Variants in PHF21B observed in about 807,000 individuals in gnomAD.
PHF21B encodes PHD finger protein 21B.
PHF21B carries 22 observed loss-of-function variants against 62.2 expected under a neutral mutation model. The observed-to-expected ratio is 0.35, with a 90% CI of 0.25 to 0.51. The LOEUF is 0.51. Among genes scored for constraint, PHF21B ranks in the 20% least tolerant of loss-of-function variants. PHF21B has a pLI of 0.97. For missense variants in PHF21B, 701 were observed against 707.9 expected (o/e 0.99, Z 0.11); for synonymous variants, 341 against 314.7 (o/e 1.08, Z -0.88).
chr22:44,999,996 C>T lies in PHF21B; in HGVS notation c.120+8549G>A, dbSNP rs560746543. Among the ~76,000 whole-genome samples, 36 of 152,266 alleles carry T rather than the reference C, an allele frequency of 2.4e-4. 1 individual carries two copies. In the South Asian group the frequency reaches 7.3e-3, roughly 31 times the overall value. Reference sequence around the variant, plus strand: ...TTGTTTCTTGAGTGCTCACCGAGCACCAGGCACTCTGCTGCCTGGCTGGCC... The same window carrying T: ...TTGTTTCTTGAGTGCTCACCGAGCATCAGGCACTCTGCTGCCTGGCTGGCC... On this transcript the variant is annotated intron_variant, in intron 2 of 12. Transcript: ENST00000313237.
intron 7 of PHF21B, 53 bp downstream of exon 7, chr22:44,893,404 G>C: frequency 1.3e-6 from 2 of 1,528,286 alleles, no homozygotes; most frequent in Non-Finnish European, 1.8e-6. Context: ...CCTGGAGGCT[G>C]TGCACTGGGA....
In PHF21B at chr22:44,938,644, G is replaced by C. The variant is rs569756078; in HGVS notation, c.121-18154C>G. On this transcript the variant is annotated intron_variant, in intron 2 of 12. Coordinates refer to ENST00000313237, the MANE Select transcript of PHF21B (RefSeq NM_138415.5). Reference sequence around the variant, plus strand: ...TGGTGCACAGACCTATGCCCTCTCAGGGGCAGCACTGATAGACCCTCATTA... The same window carrying C: ...TGGTGCACAGACCTATGCCCTCTCACGGGCAGCACTGATAGACCCTCATTA... 8.5e-5 allele frequency among the ~76,000 whole-genome samples: 13 copies of C among 152,362 alleles called. No homozygotes were observed. The South Asian group carries it at 2.7e-3, about 32-fold the overall frequency.
intron 2 of PHF21B, chr22:45,001,017 T>G (rs1290932692): frequency 6.6e-6 from 1 of 152,216 alleles, no homozygotes; most frequent in Non-Finnish European, 1.5e-5. Context: ...TGCCCAAGGT[T>G]GCTCAGCCAA....
At chr22:44,960,975 GAGA>G (rs1298577366) in intron 2 of PHF21B, among the ~76,000 whole-genome samples, 18 of 26,158 alleles carry the variant, frequency 6.9e-4, no homozygotes, top group African/African-American at 1.7e-3. Flanking sequence ...TTTTTTTTTT[GAGA>G]AGGAGTCTCA....
chr22:44,934,175 CG>C lies in PHF21B; in HGVS notation c.121-13686del, dbSNP rs1478907966. ...TGCCACAAGGCAGGGGGCCTTTGCA[CG>C]GGGCTCAGAGTCCCATCGGCCACTT... On this transcript the variant is annotated intron_variant, in intron 2 of 12. Transcript: ENST00000313237. Among the ~76,000 whole-genome samples, 3 of 152,276 alleles carry C rather than the reference CG, an allele frequency of 2.0e-5. No homozygotes were observed. In the East Asian group the frequency reaches 5.8e-4, roughly 29 times the overall value.
intron 3 of PHF21B, among the ~76,000 whole-genome samples, chr22:44,919,301 C>T (rs980670279): frequency 2.0e-5 from 3 of 152,224 alleles, no homozygotes; most frequent in Non-Finnish European, 2.9e-5. Context: ...TGCATGCGGC[C>T]CAGGATGGCT....
chr22:44,962,534 G>A (rs1441694909), intron 2 of PHF21B, among the ~76,000 whole-genome samples: 4 of 152,158 alleles, frequency 2.6e-5, no homozygotes, highest in Admixed American at 6.5e-5. Context: ...ATCAAAATTC[G>A]AAGTATGTTT....
chr22:45,008,440 G>A (rs1375473518), intron 2 of PHF21B, 105 bp downstream of exon 2: 4 of 1,088,676 alleles, frequency 3.7e-6, no homozygotes, highest in Non-Finnish European at 3.8e-6. Context: ...ACCCCTCTGG[G>A]AGTCTGAGCG....
At position 44,901,209 on chromosome 22, in the gene PHF21B, A is replaced by G. The variant is rs149852673; in HGVS notation, c.832-5126T>C. ...ATATCACTTCTGGACCCTGTGTCTA[A>G]CTAACTGGACAGTGGCAGGGACTCT... On this transcript the variant is annotated intron_variant, in intron 5 of 12. Coordinates refer to ENST00000313237, the MANE Select transcript of PHF21B (RefSeq NM_138415.5). Among the ~76,000 whole-genome samples, 157 of 152,304 alleles carry G rather than the reference A, an allele frequency of 1.0e-3. 1 individual carries two copies. The South Asian group carries it at 0.012, about 11-fold the overall frequency.
intron 2 of PHF21B, among the ~76,000 whole-genome samples, chr22:44,978,989 C>T (rs2072788923): frequency 6.6e-6 from 1 of 152,212 alleles, no homozygotes; most frequent in African/African-American, 2.4e-5. Context: ...AGCCTCACCC[C>T]CAGTAACAAC....
chr22:44,958,299 G>A (rs1341729402), intron 2 of PHF21B, among the ~76,000 whole-genome samples: 7 of 152,126 alleles, frequency 4.6e-5, no homozygotes, highest in African/African-American at 9.7e-5. Context: ...GGGTCTAGTC[G>A]GGGTCTGCTG....
chr22:44,933,738 C>G lies in PHF21B; in HGVS notation c.121-13248G>C, dbSNP rs543560222. Among the ~76,000 whole-genome samples, 32 of 145,150 alleles carry G rather than the reference C, an allele frequency of 2.2e-4. No individual in the cohort carries two copies. The South Asian group carries it at 3.5e-3, about 16-fold the overall frequency. On this transcript the variant is annotated intron_variant, in intron 2 of 12. Coordinates refer to ENST00000313237, the MANE Select transcript of PHF21B (RefSeq NM_138415.5). ...GATAAGAGAGAGAGAGAGAGAGAGA[C>G]AGACAGACAGACAGAGAGACAGAGA...
intron 5 of PHF21B, among the ~76,000 whole-genome samples, chr22:44,908,929 C>T (rs1228823904): frequency 6.6e-6 from 1 of 152,204 alleles, no homozygotes; most frequent in Admixed American, 6.5e-5. Context: ...TCCCAAGTAG[C>T]TGGGATTACA....
At chr22:44,932,090 C>G (rs1032425683) in intron 2 of PHF21B, among the ~76,000 whole-genome samples, 2 of 152,200 alleles carry the variant, frequency 1.3e-5, no homozygotes, top group African/African-American at 2.4e-5. Context: ...AACAGAGGAC[C>G]CGGGGCAGAG....
At chr22:44,955,638 G>C (rs2072280864) in intron 2 of PHF21B, among the ~76,000 whole-genome samples, 1 of 152,146 alleles carries the variant, frequency 6.6e-6, no homozygotes, top group South Asian at 2.1e-4. Context: ...CAGAGCTCCT[G>C]GTCCCCAGGC....
chr22:44,921,406 C>G (rs1256198279), intron 2 of PHF21B, among the ~76,000 whole-genome samples: 5 of 151,300 alleles, frequency 3.3e-5, no homozygotes, highest in Non-Finnish European at 7.4e-5. Context: ...CTTGCTCTGT[C>G]CCCAGGCTGG....
chr22:44,885,447 C>G lies in PHF21B; in HGVS notation c.1356G>C (p.Arg452=). 1 of 1,588,192 alleles carries G rather than the reference C, an allele frequency of 6.3e-7. No homozygotes were observed. Among genetic ancestry groups the G allele is most frequent in the Non-Finnish European group, 8.6e-7 (1 of 1,168,450 alleles). The change falls in exon 12 of 13, where the codon CGG becomes CGC. Residue 452 remains arginine (R), a synonymous_variant. Coordinates refer to ENST00000313237, the MANE Select transcript of PHF21B (RefSeq NM_138415.5). ...NEHQQLEERD[R]RLASAVQKCL... ...ACACCTGCACTGCTGACGCCAGCCG[C>G]CGGTCCCGCTCCTCCAGCTGCTGGT...
At chr22:44,927,962 G>A (rs2071664979) in intron 2 of PHF21B, among the ~76,000 whole-genome samples, 1 of 152,194 alleles carries the variant, frequency 6.6e-6, no homozygotes, top group Non-Finnish European at 1.5e-5. Context: ...CTGGGGCGGG[G>A]CGGGGCACAG....
chr22:45,009,294 G>A lies in PHF21B; in HGVS notation c.54+202C>T. On this transcript the variant is annotated intron_variant, in intron 1 of 12. Coordinates refer to ENST00000313237, the MANE Select transcript of PHF21B (RefSeq NM_138415.5). The surrounding 1 kb of genome is among the most constrained non-coding windows in gnomAD (Gnocchi z 5.9). The stretch of plus-strand genomic sequence containing the variant: ...CCACGCGTCCTCGATCCCGCAAACT[G>A]TGCAGGACAGCGCCAGGGGCAGGCG... 3 of 607,836 alleles carry A rather than the reference G, an allele frequency of 4.9e-6. No homozygotes were observed. The highest frequency in any genetic ancestry group is 8.3e-6 in the Non-Finnish European group (3 of 361,682). The allele number at this position is 607,836 out of a possible 1,614,324, so 37.7% of individuals were successfully genotyped here.
Sources: allele counts gnomAD v4.1 joint callset (sites outside exome capture counted in the v4.1 genomes callset), GRCh38; gene constraint gnomAD v4.1.1; non-coding constraint Gnocchi (gnomAD v3.1); transcripts MANE v1.5; gene names NCBI Gene and HGNC (gene_info 2026-07-23, HGNC 2026-07-21).